The following SEC14L5 variants were observed in gnomAD, a reference collection of about 807,000 sequenced individuals.
The protein encoded by SEC14L5 is SEC14-like protein 5.
Under a neutral mutation model 84.6 loss-of-function variants are expected in SEC14L5, and 96 were observed. The ratio of observed to expected loss-of-function variants is 1.13; its 90% CI spans 0.96 to 1.34. The LOEUF (loss-of-function observed/expected upper bound fraction) is 1.34. SEC14L5 is among the 40% of genes most tolerant of loss of function. The pLI is 0.00. For synonymous variants in SEC14L5, 546 were observed against 383.4 expected (o/e 1.42, Z -4.95); for missense variants, 1,224 against 942.5 (o/e 1.30, Z -3.91).
chr16:5,014,024 T>G (rs1484272186), intron 15 of SEC14L5, among the ~76,000 whole-genome samples: 9 of 152,260 alleles, frequency 5.9e-5, no homozygotes, highest in Admixed American at 5.9e-4. Flanking sequence ...CTCCGGGCAC[T>G]GCTGGTGCTG....
At chr16:4,987,787 C>T (rs1297673090) in intron 3 of SEC14L5, 81 bp downstream of exon 3, 3 of 1,134,034 alleles carry the variant, frequency 2.6e-6, no homozygotes, top group Non-Finnish European at 2.4e-6. Context: ...AGCTGGGGAC[C>T]AGGGCGGCGG....
rs551922621 is a variant in SEC14L5 at position 5,009,440 on chromosome 16, C to T, written c.1800+792C>T. 6.6e-5 allele frequency among the ~76,000 whole-genome samples: 10 copies of T among 152,226 alleles called. 1 individual carries two copies. Among genetic ancestry groups the T allele is most frequent in the Non-Finnish European group, 1.3e-4 (9 of 68,016 alleles). ...CTAGGCTCAAGCGATCCTCCCATCT[C>T]AGCCTTCTGAGTAGCTGGGACTACA... On this transcript the variant is annotated intron_variant, in intron 14 of 15. Coordinates refer to ENST00000251170, the MANE Select transcript of SEC14L5 (RefSeq NM_014692.2).
intron 10 of SEC14L5, among the ~76,000 whole-genome samples, chr16:5,002,181 C>G (rs1003871796): frequency 6.6e-6 from 1 of 152,192 alleles, no homozygotes; most frequent in South Asian, 2.1e-4. Flanking sequence ...CACCTTGATT[C>G]ATTTCCTCCT....
chr16:4,961,564 A>G (rs1955121503), intron 2 of SEC14L5, among the ~76,000 whole-genome samples: 1 of 152,102 alleles, frequency 6.6e-6, no homozygotes, highest in Non-Finnish European at 1.5e-5. Flanking sequence ...GCTGACCTCA[A>G]GTGATCCACT....
chr16:5,015,189 C>T lies in SEC14L5; in HGVS notation c.*219C>T, dbSNP rs114274618. The T allele has an allele frequency of 0.012, 6,528 of 560,602 alleles. 49 individuals are homozygous for T. The highest frequency in any genetic ancestry group is 0.016 in the African/African-American group (880 of 53,408). The allele number at this position is 560,602 out of a possible 1,614,324, so 34.7% of individuals were successfully genotyped here. On this transcript the variant is annotated 3_prime_UTR_variant, in exon 16 of 16. Transcript: ENST00000251170. ...TTGCAAGGACAGAACCATCTCCTTC[C>T]GGCTTCGTGTAAGGAAGACCAAGCC...
intron 10 of SEC14L5, among the ~76,000 whole-genome samples, chr16:5,001,208 G>C (rs992730501): frequency 6.6e-6 from 1 of 150,834 alleles, no homozygotes; most frequent in East Asian, 2.0e-4. Context: ...CTAGCTCGAA[G>C]ACTTTATCCT....
rs1955895664 is a variant in SEC14L5, at chr16:5,018,187, C to T, written c.*3217C>T. 1 of 152,250 alleles carries T rather than the reference C, an allele frequency of 6.6e-6. No homozygotes were observed. Among genetic ancestry groups the T allele is most frequent in the African/African-American group, 2.4e-5 (1 of 41,460 alleles). The allele number at this position is 152,250 out of a possible 1,614,324, so 9.4% of individuals were successfully genotyped here. A position where few individuals can be genotyped will look rare whatever the true frequency, so the allele number is the denominator to read the frequency against. ...AGTAGCTGTAAAGCTTTCAGCACAG[C>T]TCCCAGAACACAGAAAGCGCTCCAT... On this transcript the variant is annotated 3_prime_UTR_variant, in exon 16 of 16. Transcript: ENST00000251170.
At chr16:4,995,588 C>T (rs2142511393) in intron 6 of SEC14L5, among the ~76,000 whole-genome samples, 1 of 151,886 alleles carries the variant, frequency 6.6e-6, no homozygotes, top group East Asian at 1.9e-4. Flanking sequence ...GTTACTCCAC[C>T]TCTCTAGGCC....
intron 10 of SEC14L5, among the ~76,000 whole-genome samples, chr16:5,001,547 C>G (rs1446956519): frequency 1.3e-5 from 2 of 152,160 alleles, no homozygotes; most frequent in Non-Finnish European, 2.9e-5. Context: ...GCGTGAGCCA[C>G]CACTCACAGC....
chr16:5,000,597 C>T (rs1955663917), intron 8 of SEC14L5, 58 bp from the exon 9 acceptor site: 3 of 1,357,406 alleles, frequency 2.2e-6, no homozygotes, highest in Non-Finnish European at 2.1e-6. Flanking sequence ...TGACCTGCCC[C>T]TCGGAAGCAG....
intron 15 of SEC14L5, among the ~76,000 whole-genome samples, chr16:5,011,887 G>C (rs748022039): frequency 1.3e-5 from 2 of 152,236 alleles, no homozygotes; most frequent in African/African-American, 4.8e-5. Context: ...AAATGAAGGA[G>C]AAGGTCTGGA....
intron 12 of SEC14L5, among the ~76,000 whole-genome samples, chr16:5,006,497 C>T (rs2908671): frequency 6.6e-6 from 1 of 152,096 alleles, no homozygotes; most frequent in Admixed American, 6.5e-5. Flanking sequence ...ATCAGGAACC[C>T]CCTTCAAGGG....
intron 2 of SEC14L5, among the ~76,000 whole-genome samples, chr16:4,966,549 C>G (rs1001686991): frequency 6.6e-6 from 1 of 152,168 alleles, no homozygotes; most frequent in African/African-American, 2.4e-5. Flanking sequence ...GCTGGGATTA[C>G]AGGCGTGAGC....
Position 5,010,994 on chromosome 16 carries a change from C to G in SEC14L5, c.1801-101C>G. On this transcript the variant is annotated intron_variant, in intron 14 of 15. Transcript: ENST00000251170. ...AGAAAGGGACAGAGGGAGAAGAGCC[C>G]CAATTTCCAGGCCTGGTGATGAGAA... The G allele has an allele frequency of 2.5e-6, 3 of 1,190,096 alleles. No individual in the cohort carries two copies. The South Asian group carries it at 4.5e-5, about 18-fold the overall frequency. 73.7% of individuals were successfully genotyped at this position (1,190,096 alleles called of 1,614,324 possible).
intron 2 of SEC14L5, among the ~76,000 whole-genome samples, chr16:4,982,155 C>G (rs995459350): frequency 6.6e-6 from 1 of 152,126 alleles, no homozygotes; most frequent in African/African-American, 2.4e-5. Context: ...GCTGGCCTTG[C>G]CCAGCCTGGG....
At chr16:5,003,009 G>C (rs1955693385) in intron 10 of SEC14L5, among the ~76,000 whole-genome samples, 1 of 152,240 alleles carries the variant, frequency 6.6e-6, no homozygotes, top group Non-Finnish European at 1.5e-5. Context: ...TGGAATGCTA[G>C]GCCTAAATGG....
Position 5,000,722 on chromosome 16 carries a change from G to T in SEC14L5, c.1038G>T (p.Gly346=). Residue 346 remains glycine (G), a synonymous_variant, in exon 9 of 16, where the codon GGG becomes GGT. Transcript: ENST00000251170. ...MDTKGLMKAV[G]EEALLRHVLS... is the part of the protein sequence containing the mutation. Reference sequence around the variant, plus strand: ...CCAAAGGCTTGATGAAGGCCGTGGGGGAGGAGGCGCTGCTGCGGCATGTGA... The same window carrying T: ...CCAAAGGCTTGATGAAGGCCGTGGGTGAGGAGGCGCTGCTGCGGCATGTGA... 1.3e-6 allele frequency: 2 copies of T among 1,552,626 alleles called. No homozygotes were observed. Among genetic ancestry groups the T allele is most frequent in the Middle Eastern group, 1.7e-4 (1 of 5,992 alleles).
At chr16:4,985,480 A>G (rs1955474898) in intron 2 of SEC14L5, among the ~76,000 whole-genome samples, 1 of 152,142 alleles carries the variant, frequency 6.6e-6, no homozygotes, top group Non-Finnish European at 1.5e-5. Context: ...CACCCGCCTC[A>G]GCCCCCCAAG....
At chr16:4,961,233 G>A (rs1438817578) in intron 2 of SEC14L5, among the ~76,000 whole-genome samples, 9 of 152,140 alleles carry the variant, frequency 5.9e-5, no homozygotes, top group Non-Finnish European at 1.0e-4. Context: ...AGATTGCGCC[G>A]CAACACTCCA....
Sources: gnomAD v4.1 joint callset for allele counts (sites outside exome capture counted in the v4.1 genomes callset) on GRCh38, gnomAD v4.1.1 for gene constraint, MANE v1.5 for transcripts, NCBI Gene and HGNC (gene_info 2026-07-23, HGNC 2026-07-21) for gene names.